The following PATJ variants were observed in gnomAD, a reference collection of about 807,000 sequenced individuals.
PATJ encodes PATJ crumbs cell polarity complex component.
Under a neutral mutation model 224.9 loss-of-function variants are expected in PATJ, and 190 were observed. That is an observed-to-expected ratio of 0.84 (90% confidence interval 0.75 to 0.95). PATJ has a LOEUF of 0.95. PATJ is among the 40% of genes least tolerant of loss of function. The pLI is 0.00. For synonymous variants in PATJ, 769 were observed against 820.3 expected, an observed-to-expected ratio of 0.94 and a Z score of 1.07; for missense variants, 2,121 against 2,270.3, an observed-to-expected ratio of 0.93 and a Z score of 1.34.
chr1:62,136,990 T>C (rs1329106613), intron 41 of PATJ, among the ~76,000 whole-genome samples: 3 of 152,194 alleles, frequency 2.0e-5, no homozygotes, highest in African/African-American at 7.2e-5. Flanking sequence ...CTTTTATGCA[T>C]TGTAATATCT....
rs572627238 is a variant in PATJ, at chr1:61,888,986, A to G, written c.3131+4578A>G. ...ATATTTAAATCCCAGCAGGTTCCAG[A>G]AGAGTTCTTGTAAATCATATTCCTT... is the stretch of plus-strand genomic sequence containing the variant. On this transcript the variant is annotated intron_variant, in intron 22 of 43. Transcript: ENST00000642238. Among the ~76,000 whole-genome samples the G allele has an allele frequency of 9.2e-5, 14 of 152,288 alleles. 1 individual carries two copies. In the South Asian group the frequency reaches 2.9e-3, roughly 32 times the overall value.
chr1:62,050,876 G>C (rs1653473120), intron 30 of PATJ, 90 bp from the exon 31 acceptor site: 2 of 940,812 alleles, frequency 2.1e-6, no homozygotes, highest in Non-Finnish European at 3.4e-6. Context: ...ACAACCATAT[G>C]ATGAGCAAAT....
chr1:61,952,123 G>T, intron 27 of PATJ: 1 of 434,842 alleles, frequency 2.3e-6, no homozygotes, highest in African/African-American at 2.0e-5. Flanking sequence ...CTCCGGCATA[G>T]TTTTCCAGGC....
At chr1:61,946,745 C>T (rs1259079918) in intron 27 of PATJ, among the ~76,000 whole-genome samples, 2 of 152,250 alleles carry the variant, frequency 1.3e-5, no homozygotes, top group East Asian at 1.9e-4. Flanking sequence ...GATACCAAAG[C>T]CTGGCAGAGA....
intron 27 of PATJ, among the ~76,000 whole-genome samples, chr1:61,939,895 A>G (rs1048215340): frequency 3.7e-4 from 56 of 151,594 alleles, no homozygotes; most frequent in African/African-American, 1.3e-3. Context: ...GCTGGTCTCA[A>G]ACTCCTGACC....
chr1:61,746,332 C>T (rs540847925), intron 1 of PATJ, among the ~76,000 whole-genome samples: 1 of 152,136 alleles, frequency 6.6e-6, no homozygotes, highest in Non-Finnish European at 1.5e-5. Context: ...CCCGATTTGG[C>T]CTGTGAAAGT....
rs532854792 is a variant in PATJ, at chr1:62,011,575, A to G, written c.3868-6281A>G. 2.6e-5 allele frequency among the ~76,000 whole-genome samples: 4 copies of G among 152,320 alleles called. No homozygotes were observed. The East Asian group carries it at 7.7e-4, about 29-fold the overall frequency. ...TGAAGGTCATGGATCACATATCGCC[A>G]TAACAGACAGAATAATAATGTAAAA... On this transcript the variant is annotated intron_variant, in intron 28 of 43. Coordinates refer to ENST00000642238, the MANE Select transcript of PATJ (RefSeq NM_001350145.3).
At chr1:61,915,653 C>A (rs1358421226) in intron 26 of PATJ, among the ~76,000 whole-genome samples, 1 of 149,346 alleles carries the variant, frequency 6.7e-6, no homozygotes, top group Non-Finnish European at 1.5e-5. Flanking sequence ...TTGTTAAATT[C>A]TTTTATTTCT....
intron 27 of PATJ, among the ~76,000 whole-genome samples, chr1:61,961,176 A>T (rs980229370): frequency 1.3e-5 from 2 of 152,198 alleles, no homozygotes; most frequent in African/African-American, 4.8e-5. Context: ...AGCAAGGTAA[A>T]GGCCTTTGAT....
At chr1:61,745,466 GT>G (rs1474981547) in intron 1 of PATJ, among the ~76,000 whole-genome samples, 1 of 151,996 alleles carries the variant, frequency 6.6e-6, no homozygotes, top group Non-Finnish European at 1.5e-5. Context: ...TAGAGACAGG[GT>G]TTTACCATAT....
intron 17 of PATJ, among the ~76,000 whole-genome samples, chr1:61,840,671 C>T (rs528139211): frequency 3.9e-4 from 60 of 152,016 alleles, no homozygotes; most frequent in African/African-American, 1.4e-3. Flanking sequence ...CATCAGCCTC[C>T]TGTACCCAGT....
intron 28 of PATJ, among the ~76,000 whole-genome samples, chr1:62,013,114 G>A (rs1055500080): frequency 2.0e-5 from 3 of 152,232 alleles, no homozygotes; most frequent in African/African-American, 4.8e-5. Flanking sequence ...AAACAGAACC[G>A]TGAAAGGCAT....
chr1:62,034,215 G>A (rs1376742292), intron 29 of PATJ, among the ~76,000 whole-genome samples: 1 of 152,042 alleles, frequency 6.6e-6, no homozygotes, highest in Non-Finnish European at 1.5e-5. Flanking sequence ...GGCCAAGGCG[G>A]GCAGATCACT....
At chr1:62,149,866 G>A (rs576273763) in intron 42 of PATJ, among the ~76,000 whole-genome samples, 2 of 151,506 alleles carry the variant, frequency 1.3e-5, no homozygotes, top group Admixed American at 6.6e-5. Flanking sequence ...GGTTGAAAAT[G>A]TTATGATATT....
At chr1:61,991,420 T>G in intron 28 of PATJ, 2 of 812,764 alleles carry the variant, frequency 2.5e-6, no homozygotes, top group Non-Finnish European at 3.0e-6. Flanking sequence ...AGACACTGAG[T>G]GTTAGACTGC....
intron 6 of PATJ, among the ~76,000 whole-genome samples, chr1:61,774,439 C>T (rs942472673): frequency 2.0e-5 from 3 of 152,166 alleles, no homozygotes; most frequent in African/African-American, 7.2e-5. Context: ...GTCTTTTAGT[C>T]TGATTTGTAT....
intron 26 of PATJ, among the ~76,000 whole-genome samples, chr1:61,919,675 G>C (rs941240297): frequency 6.6e-6 from 1 of 151,600 alleles, no homozygotes; most frequent in African/African-American, 2.4e-5. Context: ...TGGTACTAAG[G>C]GTTTTTTGTT....
intron 21 of PATJ, among the ~76,000 whole-genome samples, chr1:61,876,713 G>T (rs1423221371): frequency 6.6e-6 from 1 of 152,078 alleles, no homozygotes; most frequent in Admixed American, 6.6e-5. Flanking sequence ...AAGATCAAAA[G>T]AAATAGACTA....
chr1:61,775,383 G>T, intron 7 of PATJ, 49 bp downstream of exon 7: 2 of 1,530,018 alleles, frequency 1.3e-6, no homozygotes, highest in Non-Finnish European at 1.8e-6. Flanking sequence ...AATTTAAGTT[G>T]TATGAATTGA....
Sources: gnomAD v4.1 joint callset for allele counts (sites outside exome capture counted in the v4.1 genomes callset) on GRCh38, gnomAD v4.1.1 for gene constraint, MANE v1.5 for transcripts, NCBI Gene and HGNC (gene_info 2026-07-23, HGNC 2026-07-21) for gene names.